Variants in KCNH7 observed in about 807,000 individuals in gnomAD.
KCNH7 encodes the protein voltage-gated inwardly rectifying potassium channel KCNH7.
Under a neutral mutation model 120.8 loss-of-function variants are expected in KCNH7, and 49 were observed. The observed-to-expected ratio is 0.41, with a 90% CI of 0.32 to 0.51. The LOEUF (loss-of-function observed/expected upper bound fraction) is 0.51. Among genes scored for constraint, KCNH7 ranks in the 20% least tolerant of loss-of-function variants. KCNH7 has a pLI of 0.38. For missense variants in KCNH7, 1,097 were observed against 1,446.6 expected, an observed-to-expected ratio of 0.76 and a Z score of 3.92; for synonymous variants, 547 against 516.1, an observed-to-expected ratio of 1.06 and a Z score of -0.81.
At chr2:162,425,534 G>T (rs941226942) in intron 8 of KCNH7, among the ~76,000 whole-genome samples, 1 of 152,116 alleles carries the variant, frequency 6.6e-6, no homozygotes, top group Non-Finnish European at 1.5e-5. Context: ...GTGATCCAAG[G>T]AGATTCATGT....
chr2:162,601,315 T>C (rs929423063), intron 2 of KCNH7, among the ~76,000 whole-genome samples: 4 of 149,632 alleles, frequency 2.7e-5, no homozygotes, highest in African/African-American at 9.8e-5. Flanking sequence ...TCTGGGCATT[T>C]GGCTCCAAAT....
At chr2:162,807,531 T>G (rs1268817061) in intron 2 of KCNH7, among the ~76,000 whole-genome samples, 1 of 152,118 alleles carries the variant, frequency 6.6e-6, no homozygotes, top group African/African-American at 2.4e-5. Flanking sequence ...GATACAAGTT[T>G]GTGGCTTTTT....
chr2:162,417,499 A>G (rs1352352757), intron 9 of KCNH7, among the ~76,000 whole-genome samples: 1 of 152,184 alleles, frequency 6.6e-6, no homozygotes, highest in African/African-American at 2.4e-5. Context: ...TCAAAAAACA[A>G]TTTGAGACAT....
intron 2 of KCNH7, among the ~76,000 whole-genome samples, chr2:162,654,230 T>A (rs1405344514): frequency 6.6e-6 from 1 of 151,686 alleles, no homozygotes; most frequent in East Asian, 1.9e-4. Flanking sequence ...GAGAGAATAT[T>A]TACAAACCAT....
At chr2:162,580,664 T>A (rs1693836042) in intron 2 of KCNH7, among the ~76,000 whole-genome samples, 1 of 152,052 alleles carries the variant, frequency 6.6e-6, no homozygotes, top group Non-Finnish European at 1.5e-5. Context: ...GAGCAATTAA[T>A]TATTTGGGTT....
At position 162,517,840 on chromosome 2, in the gene KCNH7, G is replaced by T. The variant is rs764152829; in HGVS notation, c.782C>A (p.Ser261Tyr). Residue 261 changes from serine to tyrosine, a missense_variant, in exon 4 of 16, where the codon TCC becomes TAC. By Grantham distance (144) the Ser-to-Tyr change is moderately radical. Transcript: ENST00000332142. ...ACTACATAAGCTTTCCCTTGATCTG[G>T]AATGGGACAGCTGGGAACTTGACTG... ...MLQSSSQLSH[S>Y]RSRESLCSIR... 6.2e-6 allele frequency: 10 copies of T among 1,612,186 alleles called. No homozygotes were observed. The East Asian group carries it at 1.8e-4, about 29-fold the overall frequency.
At chr2:162,590,807 T>C (rs1315422884) in intron 2 of KCNH7, among the ~76,000 whole-genome samples, 1 of 152,084 alleles carries the variant, frequency 6.6e-6, no homozygotes, top group Non-Finnish European at 1.5e-5. Context: ...TCCTTTCTTT[T>C]AACCTATTTC....
At chr2:162,541,910 G>A (rs1692318156) in intron 2 of KCNH7, among the ~76,000 whole-genome samples, 1 of 152,046 alleles carries the variant, frequency 6.6e-6, no homozygotes, top group Non-Finnish European at 1.5e-5. Context: ...TATTTCAAAA[G>A]GAGGACTTGA....
chr2:162,411,054 G>T (rs986841774), intron 9 of KCNH7, among the ~76,000 whole-genome samples: 1 of 152,012 alleles, frequency 6.6e-6, no homozygotes, highest in African/African-American at 2.4e-5. Flanking sequence ...ATTTCTCAAA[G>T]AACTTAAAAG....
chr2:162,815,226 A>C (rs1191643133), intron 2 of KCNH7, among the ~76,000 whole-genome samples: 3 of 152,178 alleles, frequency 2.0e-5, no homozygotes, highest in Non-Finnish European at 4.4e-5. Context: ...GGCTGTTTAT[A>C]ATAGGAGGAA....
Position 162,518,091 on chromosome 2 carries a change from T to C in KCNH7, c.531A>G (p.Gln177=). 2 of 1,612,278 alleles carry C rather than the reference T, an allele frequency of 1.2e-6. No individual in the cohort carries two copies. Among genetic ancestry groups the C allele is most frequent in the South Asian group, 1.1e-5 (1 of 91,040 alleles). Residue 177 remains glutamine, a synonymous_variant, in exon 4 of 16, where the codon CAA becomes CAG. Coordinates refer to ENST00000332142, the MANE Select transcript of KCNH7 (RefSeq NM_033272.4). Reference sequence around the variant, plus strand: ...CGATGACCACCACATCGGGGTCTTCTTGTGGTAAGGACTGCTTTCTGTAAG... The same window carrying C: ...CGATGACCACCACATCGGGGTCTTCCTGTGGTAAGGACTGCTTTCTGTAAG... ...VLTYRKQSLP[Q]EDPDVVVIDS... is the part of the protein sequence containing the mutation.
At chr2:162,629,065 T>C (rs1683664766) in intron 2 of KCNH7, among the ~76,000 whole-genome samples, 1 of 151,974 alleles carries the variant, frequency 6.6e-6, no homozygotes, top group South Asian at 2.1e-4. Context: ...ACACACAAGT[T>C]TTCTGTAAAG....
intron 6 of KCNH7, among the ~76,000 whole-genome samples, chr2:162,474,480 T>C (rs935550019): frequency 1.3e-5 from 2 of 152,254 alleles, no homozygotes; most frequent in African/African-American, 4.8e-5. Flanking sequence ...AGAGAAAGGC[T>C]GATGCCTTGA....
chr2:162,632,147 C>A (rs1683793498), intron 2 of KCNH7, among the ~76,000 whole-genome samples: 7 of 151,888 alleles, frequency 4.6e-5, no homozygotes, highest in Admixed American at 4.6e-4. Context: ...CTGAAAACTA[C>A]TGAAAGACAT....
intron 2 of KCNH7, among the ~76,000 whole-genome samples, chr2:162,630,928 G>T (rs750246469): frequency 6.6e-6 from 1 of 152,052 alleles, no homozygotes; most frequent in Non-Finnish European, 1.5e-5. Flanking sequence ...GTTCCAGGTA[G>T]CTGGGAGAGT....
chr2:162,566,747 AT>A (rs1161322532), intron 2 of KCNH7, among the ~76,000 whole-genome samples: 1 of 152,066 alleles, frequency 6.6e-6, no homozygotes, highest in Admixed American at 6.6e-5. Flanking sequence ...AGCAAAGGTT[AT>A]GGTCAGGTAG....
chr2:162,612,287 A>G (rs1288815661), intron 2 of KCNH7, among the ~76,000 whole-genome samples: 1 of 152,174 alleles, frequency 6.6e-6, no homozygotes, highest in East Asian at 1.9e-4. Context: ...ATGTAAGTTT[A>G]TATCAGCAGG....
chr2:162,576,587 T>C (rs1311484343), intron 2 of KCNH7, among the ~76,000 whole-genome samples: 3 of 152,042 alleles, frequency 2.0e-5, no homozygotes, highest in Non-Finnish European at 2.9e-5. Context: ...TCTATGTTTC[T>C]CACACTTTTC....
intron 2 of KCNH7, among the ~76,000 whole-genome samples, chr2:162,699,397 C>T (rs1686409492): frequency 6.6e-6 from 1 of 152,048 alleles, no homozygotes; most frequent in South Asian, 2.1e-4. Flanking sequence ...TGTGTACTTG[C>T]AGTTTTAAAC....
Sources: gnomAD v4.1 joint callset for allele counts (sites outside exome capture counted in the v4.1 genomes callset) on GRCh38, gnomAD v4.1.1 for gene constraint, MANE v1.5 for transcripts, NCBI Gene and HGNC (gene_info 2026-07-23, HGNC 2026-07-21) for gene names.